SAAL1: variants seen among roughly 807,000 people sequenced by gnomAD.
The protein encoded by SAAL1 is protein SAAL1.
In SAAL1, 42 loss-of-function variants were observed where a neutral mutation model predicts 59.8. The ratio of observed to expected loss-of-function variants is 0.70; its 90% CI spans 0.55 to 0.91. The LOEUF (loss-of-function observed/expected upper bound fraction) is 0.91. Ranked by LOEUF, SAAL1 falls within the 40% of genes least tolerant of loss-of-function variation. The pLI, the probability that SAAL1 is intolerant of heterozygous loss-of-function variation, is 0.00. For synonymous variants in SAAL1, 191 were observed against 194.3 expected (o/e 0.98, Z 0.14); for missense variants, 542 against 561.1 (o/e 0.97, Z 0.34).
At chr11:18,090,130 G>A in intron 6 of SAAL1, 45 bp downstream of exon 6, 1 of 1,479,302 alleles carries the variant, frequency 6.8e-7, no homozygotes, top group Non-Finnish European at 9.0e-7. Flanking sequence ...CTAAAAATTA[G>A]ATACAATTTA....
chr11:18,083,535 C>T lies in SAAL1; in HGVS notation c.1239G>A (p.Lys413=), dbSNP rs774074534. The T allele has an allele frequency of 6.5e-7, 1 of 1,545,616 alleles. No individual in the cohort carries two copies. The change falls in exon 10 of 12, where the codon AAG becomes AAA. Residue 413 remains lysine, a splice_region_variant and synonymous_variant. Coordinates refer to ENST00000524803, the MANE Select transcript of SAAL1 (RefSeq NM_138421.3). ...FLSNIFQALT[K]ETVAQGVKEG... is the part of the protein sequence containing the mutation. The stretch of plus-strand genomic sequence containing the variant: ...GACATCATCAATACTTCTTTCCTAC[C>T]TTTGTTAATGCCTGAAAAATATTAG...
At chr11:18,090,373 CT>C (rs1300831284) in intron 5 of SAAL1, 60 bp downstream of exon 5, 13 of 1,545,360 alleles carry the variant, frequency 8.4e-6, no homozygotes, top group Middle Eastern at 1.7e-4. Context: ...AAAAAATTAA[CT>C]TTTTTTTCTT....
intron 9 of SAAL1, among the ~76,000 whole-genome samples, chr11:18,084,522 C>T (rs7942794): frequency 0.18 from 28,129 of 152,130 alleles, 3,118 homozygotes; most frequent in Non-Finnish European, 0.25. Context: ...TCCTCAAAGA[C>T]ACCAGGCATA....
chr11:18,083,403 T>C (rs1400942799), intron 10 of SAAL1, 132 bp downstream of exon 10: 1 of 557,412 alleles, frequency 1.8e-6, no homozygotes, highest in East Asian at 2.9e-5. Context: ...TATAAACTCA[T>C]GGTGATATTA....
At chr11:18,094,073 T>G (rs61882524) in intron 3 of SAAL1, 4 of 152,124 alleles carry the variant, frequency 2.6e-5, no homozygotes, top group Non-Finnish European at 5.9e-5. Flanking sequence ...AATACAGATT[T>G]CCAAATCTCA....
At chr11:18,094,925 A>G (rs1848557004) in intron 3 of SAAL1, among the ~76,000 whole-genome samples, 1 of 152,204 alleles carries the variant, frequency 6.6e-6, no homozygotes, top group South Asian at 2.1e-4. Context: ...GGAACTTTAA[A>G]AGCTGCCCAG....
intron 7 of SAAL1, 96 bp from the exon 8 acceptor site, chr11:18,087,321 C>T: frequency 3.9e-6 from 3 of 778,680 alleles, no homozygotes; most frequent in East Asian, 2.7e-5. Context: ...ACTCTGCCAG[C>T]CACTGTTCAA....
Position 18,092,276 on chromosome 11 carries a change from A to C in SAAL1, c.382T>G (p.Cys128Gly). 6.2e-7 allele frequency: 1 copy of C among 1,606,038 alleles called. No homozygotes were observed. The highest frequency in any genetic ancestry group is 8.5e-7 in the Non-Finnish European group (1 of 1,172,690). The change falls in exon 4 of 12, where the codon TGT becomes GGT. Residue 128 changes from cysteine to glycine, a missense_variant. Coordinates refer to ENST00000524803, the MANE Select transcript of SAAL1 (RefSeq NM_138421.3). ...TTTTTATCACTGCTGATGGACACAC[A>C]TATCTCCTGGAAACAGGCCATATTA... is the stretch of plus-strand genomic sequence containing the variant. ...LGNMACFQEI[C>G]VSISSDKNLG...
Position 18,083,560 on chromosome 11 carries a change from G to A in SAAL1, c.1214C>T (p.Ser405Phe), listed in dbSNP as rs1001562615. ...ILKDILCEFL[S>F]NIFQALTKET... ...CTTTGTTAATGCCTGAAAAATATTA[G>A]AAAGAAATTCACATAAAATATCCTT... The change falls in exon 10 of 12, where the codon TCT becomes TTT. Residue 405 changes from serine (S) to phenylalanine (F), a missense_variant. Ser to Phe is a radical substitution (Grantham distance 155). Coordinates refer to ENST00000524803, the MANE Select transcript of SAAL1 (RefSeq NM_138421.3). 1 of 1,583,394 alleles carries A rather than the reference G, an allele frequency of 6.3e-7. No individual in the cohort carries two copies. Among genetic ancestry groups the A allele is most frequent in the African/African-American group, 1.3e-5 (1 of 74,182 alleles).
chr11:18,089,395 T>C lies in SAAL1; in HGVS notation c.705A>G (p.Glu235=). The C allele has an allele frequency of 6.2e-7, 1 of 1,608,682 alleles. No homozygotes were observed. Among genetic ancestry groups the C allele is most frequent in the Non-Finnish European group, 8.5e-7 (1 of 1,178,290 alleles). Residue 235 remains glutamate (E), a synonymous_variant, in exon 7 of 12, where the codon GAA becomes GAG. Coordinates refer to ENST00000524803, the MANE Select transcript of SAAL1 (RefSeq NM_138421.3). ...GAAACACTGGCTGCTCTTCAGACTC[T>C]TCCTGGGGTTGGTCCAGAGGCTGAG... ...GAAQPLDQPQ[E]ESEEQPVFRL...
chr11:18,083,713 T>C lies in SAAL1; in HGVS notation c.1061A>G (p.Asp354Gly). Reference sequence around the variant, plus strand: ...ATTTTGTAAGACCCGAATGAGGCTGTCAATTAGAGGAAGATCTACTGTATA... The same window carrying C: ...ATTTTGTAAGACCCGAATGAGGCTGCCAATTAGAGGAAGATCTACTGTATA... Reference protein sequence around the residue: ...KIEKVDLPLIDSLIRVLQNME... With the variant: ...KIEKVDLPLIGSLIRVLQNME... The change falls in exon 10 of 12, where the codon GAC becomes GGC. Residue 354 changes from aspartate to glycine, a missense_variant. Physicochemically the swap from Asp to Gly is moderately conservative, Grantham distance 94. Transcript: ENST00000524803. The C allele has an allele frequency of 6.2e-7, 1 of 1,607,260 alleles. No individual in the cohort carries two copies. Among genetic ancestry groups the C allele is most frequent in the Non-Finnish European group, 8.5e-7 (1 of 1,177,146 alleles).
intron 7 of SAAL1, among the ~76,000 whole-genome samples, chr11:18,088,989 C>CA (rs1271051998): frequency 6.6e-6 from 1 of 151,092 alleles, no homozygotes; most frequent in African/African-American, 2.4e-5. Flanking sequence ...ACACAAGGAG[C>CA]AAAAAAAAGC....
intron 1 of SAAL1, among the ~76,000 whole-genome samples, chr11:18,103,806 A>G (rs894572601): frequency 1.3e-5 from 2 of 152,242 alleles, no homozygotes; most frequent in Admixed American, 6.5e-5. Flanking sequence ...GAGATGCGTG[A>G]CAATAATTAT....
chr11:18,080,422 G>C lies in SAAL1; in HGVS notation c.1402C>G (p.Pro468Ala), dbSNP rs753326148. The C allele has an allele frequency of 1.8e-5, 29 of 1,594,064 alleles. No homozygotes were observed. The highest frequency in any genetic ancestry group is 2.3e-5 in the Non-Finnish European group (27 of 1,174,664). Residue 468 changes from proline to alanine, a missense_variant, in exon 12 of 12, where the codon CCA becomes GCA. Pro to Ala is a conservative substitution (Grantham distance 27). Transcript: ENST00000524803. ...ALADDLEKNFPSLKVQT is the reference protein window; with the variant it reads ...ALADDLEKNFASLKVQT ...TTTTAAGTCTGAACCTTCAAACTTG[G>C]GAAGTTTTTTTCCAAGTCATCAGCA...
rs139280575 is a variant in SAAL1, at chr11:18,084,244, T to C, written c.1043-513A>G. On this transcript the variant is annotated intron_variant, in intron 9 of 11. Transcript: ENST00000524803. The stretch of plus-strand genomic sequence containing the variant: ...ACTGTTACCATCTTGGTCCAAGTTA[T>C]AACATTTCTTGCTATGAGTCAATTA... 2.1e-4 allele frequency among the ~76,000 whole-genome samples: 32 copies of C among 152,354 alleles called. No homozygotes were observed. The East Asian group carries it at 6.2e-3, about 29-fold the overall frequency.
At chr11:18,103,881 G>C (rs1346872956) in intron 1 of SAAL1, among the ~76,000 whole-genome samples, 2 of 152,210 alleles carry the variant, frequency 1.3e-5, no homozygotes, top group African/African-American at 4.8e-5. Context: ...ACAGTAGTAA[G>C]AGGTGATCAT....
At chr11:18,081,383 C>A in intron 11 of SAAL1, 28 bp downstream of exon 11, 1 of 1,496,426 alleles carries the variant, frequency 6.7e-7, no homozygotes, top group South Asian at 1.2e-5. Flanking sequence ...CAAAACTTGG[C>A]CACCTATATA....
chr11:18,081,714 C>G, intron 10 of SAAL1: 2 of 528,774 alleles, frequency 3.8e-6, no homozygotes, highest in Non-Finnish European at 6.8e-6. Flanking sequence ...ACCATCCACC[C>G]TGCTACACAG....
intron 2 of SAAL1, among the ~76,000 whole-genome samples, chr11:18,097,605 T>C (rs143128715): frequency 1.9e-3 from 286 of 151,932 alleles, no homozygotes; most frequent in Middle Eastern, 0.014. Flanking sequence ...TTTGGGAGGC[T>C]GGTTAGAAGG....
Sources: gnomAD v4.1 joint callset for allele counts (sites outside exome capture counted in the v4.1 genomes callset) on GRCh38, gnomAD v4.1.1 for gene constraint, MANE v1.5 for transcripts, NCBI Gene and HGNC (gene_info 2026-07-23, HGNC 2026-07-21) for gene names.